Variants in ZFP91 observed in about 807,000 individuals in gnomAD.
The protein encoded by ZFP91 is E3 ubiquitin-protein ligase ZFP91.
In ZFP91, 7 loss-of-function variants were observed where a neutral mutation model predicts 63.5. The ratio of observed to expected loss-of-function variants is 0.11; its 90% confidence interval spans 0.06 to 0.21. The LOEUF (loss-of-function observed/expected upper bound fraction) is 0.21, where lower values mean the gene tolerates loss of function less well. Ranked by LOEUF, ZFP91 falls within the 10% of genes least tolerant of loss-of-function variation. The pLI is 1.00. For synonymous variants in ZFP91, 330 were observed against 272.1 expected (o/e 1.21, Z -2.10); for missense variants, 628 against 736.6 (o/e 0.85, Z 1.71).
intron 2 of ZFP91, among the ~76,000 whole-genome samples, chr11:58,601,323 T>G (rs1008315071): frequency 1.1e-4 from 17 of 152,334 alleles, no homozygotes; most frequent in African/African-American, 4.1e-4. Context: ...TGTTGAATTG[T>G]TTTTGGTAAT....
intron 2 of ZFP91, among the ~76,000 whole-genome samples, chr11:58,601,420 T>C (rs1855488466): frequency 6.6e-6 from 1 of 152,228 alleles, no homozygotes; most frequent in Admixed American, 6.5e-5. Context: ...TTTATTTCAG[T>C]GGTAGTGTCC....
chr11:58,581,802 A>G (rs1390352399), intron 1 of ZFP91, among the ~76,000 whole-genome samples: 6 of 151,540 alleles, frequency 4.0e-5, no homozygotes, highest in Non-Finnish European at 8.8e-5. Context: ...ACTGTTGTAT[A>G]TGGATGAAGA....
rs1325205454 is a variant in ZFP91 at position 58,579,573 on chromosome 11, G to C, written c.292G>C (p.Ala98Pro). ...PPDVPGQQPQ[A>P]AKSPSPVQGK... is the part of the protein sequence containing the mutation. The stretch of plus-strand genomic sequence containing the variant: ...CGACGTCCCCGGGCAGCAGCCCCAG[G>C]CCGCGAAGTCCCCGTCTCCAGTTCA... Residue 98 changes from alanine to proline, a missense_variant, in exon 1 of 11, where the codon GCC (alanine) becomes CCC (proline). Physicochemically the swap from Ala to Pro is conservative, Grantham distance 27 (BLOSUM62 -1). Around this residue, in one of 3 missense-constraint regions of ZFP91, gnomAD observed 437 missense variants for 380.3 expected, o/e 1.15. Coordinates refer to ENST00000316059, the MANE Select transcript of ZFP91 (RefSeq NM_053023.5). The C allele has an allele frequency of 6.3e-7, 1 of 1,585,176 alleles. No homozygotes were observed. The highest frequency in any genetic ancestry group is 8.6e-7 in the Non-Finnish European group (1 of 1,168,880).
Position 58,579,685 on chromosome 11 carries a change from C to T in ZFP91, c.341+63C>T, listed in dbSNP as rs576776207. The T allele has an allele frequency of 1.6e-5, 22 of 1,412,056 alleles. No individual in the cohort carries two copies. In the African/African-American group the frequency reaches 2.5e-4, roughly 16 times the overall value. 87.5% of individuals were successfully genotyped at this position (1,412,056 alleles called of 1,614,324 possible). ...CTCTGTCCGTACGCAACCCTCTCGG[C>T]TCCCGTAGCGCCTACTCCACGTGAC... On this transcript the variant is annotated intron_variant, in intron 1 of 10. Transcript: ENST00000316059.
rs760815930 is a variant in ZFP91 at position 58,611,754 on chromosome 11, T to C, written c.857+16T>C. The C allele has an allele frequency of 3.2e-6, 5 of 1,580,760 alleles. No individual in the cohort carries two copies. The highest frequency in any genetic ancestry group is 3.4e-6 in the Non-Finnish European group (4 of 1,165,786). On this transcript the variant is annotated intron_variant, in intron 6 of 10. Coordinates refer to ENST00000316059, the MANE Select transcript of ZFP91 (RefSeq NM_053023.5). ...CTCCAAGGAAGTGAGTAGGCAATTA[T>C]TAAAAATGAAAATCTAACAGATTTT...
chr11:58,596,895 T>C (rs1855413781), intron 2 of ZFP91, among the ~76,000 whole-genome samples: 1 of 152,158 alleles, frequency 6.6e-6, no homozygotes, highest in South Asian at 2.1e-4. Flanking sequence ...TTTTCTTACA[T>C]GGAGTTAACA....
rs1255021031 is a variant in ZFP91, at chr11:58,620,244, A to G, written c.*2538A>G. 2.0e-5 allele frequency: 3 copies of G among 152,184 alleles called. No individual in the cohort carries two copies. The highest frequency in any genetic ancestry group is 4.4e-5 in the Non-Finnish European group (3 of 68,032). 9.4% of individuals were successfully genotyped at this position (152,184 alleles called of 1,614,324 possible). A position where few individuals can be genotyped will look rare whatever the true frequency, so the allele number is the denominator to read the frequency against. On this transcript the variant is annotated 3_prime_UTR_variant, in exon 11 of 11. Coordinates refer to ENST00000316059, the MANE Select transcript of ZFP91 (RefSeq NM_053023.5). ...TTATATTTTTCCTTTTGATAAAGGG[A>G]TGCTGCATAGTAGAGTTGGTGTAAT...
chr11:58,597,924 C>T (rs943282455), intron 2 of ZFP91, among the ~76,000 whole-genome samples: 13 of 152,012 alleles, frequency 8.6e-5, no homozygotes, highest in African/African-American at 1.7e-4. Flanking sequence ...TTATGGGTCC[C>T]GTAGTGTTAG....
chr11:58,604,721 C>T (rs1855543250), intron 2 of ZFP91, among the ~76,000 whole-genome samples: 1 of 152,174 alleles, frequency 6.6e-6, no homozygotes, highest in Non-Finnish European at 1.5e-5. Context: ...ACTTTCTTAA[C>T]ACATTATGAG....
At chr11:58,613,672 T>C (rs1308006778) in intron 8 of ZFP91, among the ~76,000 whole-genome samples, 1 of 152,140 alleles carries the variant, frequency 6.6e-6, no homozygotes, top group Non-Finnish European at 1.5e-5. Flanking sequence ...TAAAAGACTT[T>C]TAGTTGAGGT....
chr11:58,618,751 G>T lies in ZFP91; in HGVS notation c.*1045G>T. 2.2e-6 allele frequency: 1 copy of T among 454,192 alleles called. No homozygotes were observed. 28.1% of individuals were successfully genotyped at this position (454,192 alleles called of 1,614,324 possible). On this transcript the variant is annotated 3_prime_UTR_variant, in exon 11 of 11. Coordinates refer to ENST00000316059, the MANE Select transcript of ZFP91 (RefSeq NM_053023.5). ...CTCCAGTGGCTTTTAAAGAAAGCTGGTCCTCAGCACTAACAAAATCACTAC... is the reference window on the plus strand; with the variant it reads ...CTCCAGTGGCTTTTAAAGAAAGCTGTTCCTCAGCACTAACAAAATCACTAC...
chr11:58,585,581 C>T (rs891665659), intron 2 of ZFP91, among the ~76,000 whole-genome samples: 1 of 152,104 alleles, frequency 6.6e-6, no homozygotes, highest in Non-Finnish European at 1.5e-5. Flanking sequence ...AGGCACATTT[C>T]TTTTATTACG....
In ZFP91 at chr11:58,619,529, A is replaced by G. The variant is rs1005036859; in HGVS notation, c.*1823A>G. ...TGTGTTTCACAAACATGGCTTATCA[A>G]TTTTTTCAAAGAATTCTTTTTTCCC... is the stretch of plus-strand genomic sequence containing the variant. On this transcript the variant is annotated 3_prime_UTR_variant, in exon 11 of 11. Coordinates refer to ENST00000316059, the MANE Select transcript of ZFP91 (RefSeq NM_053023.5). The G allele has an allele frequency of 4.6e-5, 7 of 152,566 alleles. No individual in the cohort carries two copies. Among genetic ancestry groups the G allele is most frequent in the Non-Finnish European group, 7.4e-5 (5 of 68,024 alleles). The allele number at this position is 152,566 out of a possible 1,614,324, so 9.5% of individuals were successfully genotyped here. A position where few individuals can be genotyped will look rare whatever the true frequency, so the allele number is the denominator to read the frequency against.
At chr11:58,598,733 G>T (rs1279353843) in intron 2 of ZFP91, among the ~76,000 whole-genome samples, 1 of 148,642 alleles carries the variant, frequency 6.7e-6, no homozygotes, top group Admixed American at 6.7e-5. Flanking sequence ...CAGAAACCTG[G>T]CAATACTTTT....
Position 58,579,185 on chromosome 11 carries a change from A to T in ZFP91, c.-97A>T. ...GGAGCGCAGGGTGAGAGTGAGCCGC[A>T]GGCTTCGGGAGGCGAGGGGGCGGGG... On this transcript the variant is annotated 5_prime_UTR_variant, in exon 1 of 11. Coordinates refer to ENST00000316059, the MANE Select transcript of ZFP91 (RefSeq NM_053023.5). The T allele has an allele frequency of 6.2e-6, 6 of 966,738 alleles. No individual in the cohort carries two copies. The highest frequency in any genetic ancestry group is 7.9e-6 in the Non-Finnish European group (6 of 756,270). 59.9% of individuals were successfully genotyped at this position (966,738 alleles called of 1,614,324 possible). A position where few individuals can be genotyped will look rare whatever the true frequency, so the allele number is the denominator to read the frequency against.
intron 6 of ZFP91, 188 bp downstream of exon 6, chr11:58,611,926 G>T: frequency 6.3e-6 from 4 of 631,028 alleles, no homozygotes; most frequent in South Asian, 6.1e-5. Flanking sequence ...AAATGTTTAG[G>T]TTTTTCAGTT....
chr11:58,609,584 A>AT (rs1007770874), intron 2 of ZFP91, among the ~76,000 whole-genome samples: 1 of 152,206 alleles, frequency 6.6e-6, no homozygotes, highest in Non-Finnish European at 1.5e-5. Context: ...TTAGCATTGC[A>AT]TTTTTTAGAA....
chr11:58,592,197 C>T (rs1468933214), intron 2 of ZFP91, among the ~76,000 whole-genome samples: 1 of 151,338 alleles, frequency 6.6e-6, no homozygotes, highest in African/African-American at 2.4e-5. Context: ...ATCCTCCTGC[C>T]TCAGCCTCCT....
intron 5 of ZFP91, 170 bp from the exon 6 acceptor site, chr11:58,611,434 T>C (rs937275369): frequency 1.1e-5 from 9 of 854,372 alleles, no homozygotes; most frequent in Middle Eastern, 3.9e-4. Context: ...CATATACATA[T>C]ATTTGGATCA....
Sources: gnomAD v4.1 joint callset for allele counts (sites outside exome capture counted in the v4.1 genomes callset) on GRCh38, gnomAD v4.1.1 for gene constraint, gnomAD v4.1.1 regional missense constraint, MANE v1.5 for transcripts, NCBI Gene and HGNC (gene_info 2026-07-23, HGNC 2026-07-21) for gene names.